The following USO1 variants were observed in gnomAD, a reference collection of about 807,000 sequenced individuals.
USO1 encodes general vesicular transport factor p115.
USO1 carries 57 observed loss-of-function variants against 124.5 expected under a neutral mutation model. That is an observed-to-expected ratio of 0.46 (90% CI 0.37 to 0.57). USO1 has a LOEUF of 0.57. Ranked by LOEUF, USO1 falls within the 20% of genes least tolerant of loss-of-function variation. The pLI is 0.00. For synonymous variants in USO1, 369 were observed against 362.8 expected, an observed-to-expected ratio of 1.02 and a Z score of -0.19; for missense variants, 900 against 1,040.6, an observed-to-expected ratio of 0.86 and a Z score of 1.86.
Position 75,724,760 on chromosome 4 carries a change from G to T in USO1, c.-60G>T. ...TGGGGCCCAGGCCCTGCGGAGGGCG[G>T]GGGAAGTTGTCTTCTTTTTTTTCCG... On this transcript the variant is annotated 5_prime_UTR_variant, in exon 1 of 24. Coordinates refer to ENST00000514213, the MANE Select transcript of USO1 (RefSeq NM_003715.4). The T allele has an allele frequency of 1.3e-6, 2 of 1,580,370 alleles. No individual in the cohort carries two copies. The highest frequency in any genetic ancestry group is 3.4e-5 in the Admixed American group (2 of 59,004).
At chr4:75,757,260 C>T (rs1022187969) in intron 3 of USO1, among the ~76,000 whole-genome samples, 8 of 151,762 alleles carry the variant, frequency 5.3e-5, no homozygotes, top group Admixed American at 1.3e-4. Flanking sequence ...TTTAAATTGC[C>T]GCCTTATATG....
At position 75,807,179 on chromosome 4, in the gene USO1, G is replaced by A. The variant is rs145838772; in HGVS notation, c.2376+607G>A. Among the ~76,000 whole-genome samples, 5 of 151,886 alleles carry A rather than the reference G, an allele frequency of 3.3e-5. No homozygotes were observed. In the East Asian group the frequency reaches 7.7e-4, roughly 23 times the overall value. On this transcript the variant is annotated intron_variant, in intron 20 of 23. Coordinates refer to ENST00000514213, the MANE Select transcript of USO1 (RefSeq NM_003715.4). The stretch of plus-strand genomic sequence containing the variant: ...TCCAATGAAAAAATTTAAATGTATT[G>A]TTCAAGAAAAGAATCAAAAGAGAGA...
intron 1 of USO1, among the ~76,000 whole-genome samples, chr4:75,740,399 T>G (rs1720925609): frequency 6.6e-6 from 1 of 152,182 alleles, no homozygotes; most frequent in African/African-American, 2.4e-5. Context: ...GTGATCCTCC[T>G]GCCTCAGCCT....
Position 75,757,585 on chromosome 4 carries a change from G to C in USO1, c.295+12G>C, listed in dbSNP as rs1721484073. ...AGAAGAAGAAGTAGGTAAGTTTCCA[G>C]TTATTTTTACTGTGTTTTCTGTACT... On this transcript the variant is annotated intron_variant, in intron 4 of 23. Transcript: ENST00000514213. 2 of 1,479,042 alleles carry C rather than the reference G, an allele frequency of 1.4e-6. No individual in the cohort carries two copies. Among genetic ancestry groups the C allele is most frequent in the African/African-American group, 1.5e-5 (1 of 68,936 alleles). 91.6% of individuals were successfully genotyped at this position (1,479,042 alleles called of 1,614,324 possible). A position where few individuals can be genotyped will look rare whatever the true frequency, so the allele number is the denominator to read the frequency against.
chr4:75,730,321 C>T (rs1004857299), intron 1 of USO1, among the ~76,000 whole-genome samples: 3 of 152,082 alleles, frequency 2.0e-5, no homozygotes, highest in African/African-American at 7.2e-5. Context: ...GAAGTGTGTG[C>T]AACGACCACT....
At chr4:75,765,910 G>A (rs1392654149) in intron 4 of USO1, among the ~76,000 whole-genome samples, 4 of 152,070 alleles carry the variant, frequency 2.6e-5, no homozygotes, top group African/African-American at 9.7e-5. Context: ...AATACCCTCA[G>A]TATATCTGTG....
At chr4:75,749,891 A>G (rs1349333829) in intron 1 of USO1, among the ~76,000 whole-genome samples, 3 of 151,736 alleles carry the variant, frequency 2.0e-5, no homozygotes, top group African/African-American at 7.3e-5. Context: ...AGCTGGGACT[A>G]CAGGCACCCG....
chr4:75,790,671 A>C lies in USO1; in HGVS notation c.1114A>C (p.Met372Leu). The change falls in exon 12 of 24, where the codon ATG becomes CTG. Residue 372 changes from methionine (M) to leucine (L), a missense_variant. Transcript: ENST00000514213. ...RPAIVVLLMS[M>L]VNERQPFVLR... is the part of the protein sequence containing the mutation. ...GGCAATTGTAGTACTTCTCATGTCC[A>C]TGGTTAATGAAAGGCAGCCATTTGT... The C allele has an allele frequency of 6.2e-7, 1 of 1,611,914 alleles. No homozygotes were observed. Among genetic ancestry groups the C allele is most frequent in the Non-Finnish European group, 8.5e-7 (1 of 1,179,338 alleles).
In USO1 at chr4:75,808,987, A is replaced by C; in HGVS notation, c.2411A>C (p.Gln804Pro). Residue 804 changes from glutamine (Q) to proline (P), a missense_variant, in exon 21 of 24, where the codon CAA (glutamine) becomes CCA (proline). By Grantham distance (76) the Gln-to-Pro change is moderately conservative (BLOSUM62 -1). Transcript: ENST00000514213. ...LATLKSQLNS[Q>P]SVEITKLQTE... The stretch of plus-strand genomic sequence containing the variant: ...ACTTTAAAGTCTCAGTTAAACTCAC[A>C]ATCTGTGGAGATCACCAAACTACAG... 1 of 1,605,378 alleles carries C rather than the reference A, an allele frequency of 6.2e-7. No individual in the cohort carries two copies. The highest frequency in any genetic ancestry group is 8.5e-7 in the Non-Finnish European group (1 of 1,176,010).
At chr4:75,808,812 C>T (rs1183918772) in intron 20 of USO1, 141 bp from the exon 21 acceptor site, 2 of 980,528 alleles carry the variant, frequency 2.0e-6, no homozygotes, top group Admixed American at 3.7e-5. Flanking sequence ...ATCTTGAACC[C>T]AAAATTCAAG....
At chr4:75,794,066 C>T (rs1396578479) in intron 13 of USO1, among the ~76,000 whole-genome samples, 165 bp downstream of exon 13, 2 of 152,158 alleles carry the variant, frequency 1.3e-5, no homozygotes, top group African/African-American at 4.8e-5. Flanking sequence ...GCAATAAATA[C>T]TCTTAGAGGA....
chr4:75,757,456 C>G, intron 3 of USO1, 41 bp from the exon 4 acceptor site: 4 of 1,413,252 alleles, frequency 2.8e-6, no homozygotes, highest in Non-Finnish European at 3.7e-6. Context: ...AGTTTATACT[C>G]TCATCAGCAG....
In USO1 at chr4:75,771,123, G is replaced by C. The variant is rs544414829; in HGVS notation, c.541G>C (p.Val181Leu). 176 of 1,610,760 alleles carry C rather than the reference G, an allele frequency of 1.1e-4. No individual in the cohort carries two copies. Among genetic ancestry groups the C allele is most frequent in the Middle Eastern group, 9.9e-4 (6 of 6,044 alleles). Reference protein sequence around the residue: ...LMDLLADSREVIRNDGVLLLQ... With the variant: ...LMDLLADSRELIRNDGVLLLQ... ...GGACTTACTAGCGGATTCCAGGGAA[G>C]TTATACGTAATGATGTAAGTTAAAT... Residue 181 changes from valine to leucine, a missense_variant, in exon 7 of 24, where the codon GTT becomes CTT. Physicochemically the swap from Val to Leu is conservative, Grantham distance 32. Around this residue, in one of 2 missense-constraint regions of USO1, gnomAD observed 538 missense variants for 681.6 expected, o/e 0.79. Coordinates refer to ENST00000514213, the MANE Select transcript of USO1 (RefSeq NM_003715.4).
chr4:75,790,563 T>A, intron 11 of USO1, 80 bp from the exon 12 acceptor site: 2 of 1,511,616 alleles, frequency 1.3e-6, no homozygotes, highest in South Asian at 2.7e-5. Flanking sequence ...GATTCTTCAA[T>A]CAACAAAAAT....
intron 8 of USO1, among the ~76,000 whole-genome samples, chr4:75,782,144 A>G (rs1722237712): frequency 1.3e-5 from 2 of 152,238 alleles, no homozygotes; most frequent in Admixed American, 6.5e-5. Context: ...AGACAAACCG[A>G]CAATGTTAAG....
At chr4:75,806,784 T>TA (rs1362588847) in intron 20 of USO1, among the ~76,000 whole-genome samples, 1 of 152,148 alleles carries the variant, frequency 6.6e-6, no homozygotes, top group Admixed American at 6.5e-5. Flanking sequence ...GTATTCCTTT[T>TA]AAAAAATCTC....
chr4:75,774,926 T>A, intron 8 of USO1, 130 bp downstream of exon 8: 1 of 1,324,944 alleles, frequency 7.5e-7, no homozygotes, highest in Non-Finnish European at 9.9e-7. Flanking sequence ...CACTATGGCA[T>A]GTTGACTATC....
chr4:75,726,136 C>T (rs1429485994), intron 1 of USO1, among the ~76,000 whole-genome samples: 9 of 152,116 alleles, frequency 5.9e-5, no homozygotes, highest in Admixed American at 5.9e-4. Flanking sequence ...ACAGAATTAG[C>T]CGGCCGTGGT....
chr4:75,730,607 A>G (rs2149136353), intron 1 of USO1, among the ~76,000 whole-genome samples: 1 of 152,248 alleles, frequency 6.6e-6, no homozygotes, highest in Non-Finnish European at 1.5e-5. Flanking sequence ...AGGAAAGAAT[A>G]TTAGAATTCC....
Sources: allele counts gnomAD v4.1 joint callset (sites outside exome capture counted in the v4.1 genomes callset), GRCh38; gene constraint gnomAD v4.1.1; regional missense constraint gnomAD v4.1.1; transcripts MANE v1.5; gene names NCBI Gene and HGNC (gene_info 2026-07-23, HGNC 2026-07-21).